Variants in LRBA observed in about 807,000 individuals in gnomAD.
LRBA encodes lipopolysaccharide-responsive and beige-like anchor protein.
Under a neutral mutation model 330.0 loss-of-function variants are expected in LRBA, and 176 were observed. That is an observed-to-expected ratio of 0.53 (90% CI 0.47 to 0.60). LRBA has a LOEUF of 0.60. Ranked by LOEUF, LRBA falls within the 20% of genes least tolerant of loss-of-function variation. The pLI, the probability that LRBA is intolerant of heterozygous loss-of-function variation, is 0.00. For synonymous variants in LRBA, 1,230 were observed against 1,193.0 expected (o/e 1.03, Z -0.64); for missense variants, 3,259 against 3,444.8 (o/e 0.95, Z 1.35).
At chr4:150,595,110 A>G (rs923305897) in intron 38 of LRBA, among the ~76,000 whole-genome samples, 21 of 152,022 alleles carry the variant, frequency 1.4e-4, no homozygotes, top group African/African-American at 4.8e-5. Context: ...AGCACACACC[A>G]TAACAGCATT....
chr4:150,326,651 C>T (rs902410217), intron 48 of LRBA, among the ~76,000 whole-genome samples: 10 of 152,282 alleles, frequency 6.6e-5, no homozygotes, highest in African/African-American at 2.2e-4. Flanking sequence ...CATCTGTAAG[C>T]ATTGTGTTTA....
chr4:150,943,577 CTA>C (rs750067557), intron 2 of LRBA, among the ~76,000 whole-genome samples: 6 of 152,192 alleles, frequency 3.9e-5, no homozygotes, highest in Non-Finnish European at 8.8e-5. Flanking sequence ...ACAGAATTAA[CTA>C]TGTTTTAAGC....
At position 150,616,194 on chromosome 4, in the gene LRBA, C is replaced by T. The variant is rs773323320; in HGVS notation, c.5922-17063G>A. Among the ~76,000 whole-genome samples the T allele has an allele frequency of 3.0e-4, 45 of 151,990 alleles. 1 individual carries two copies. Among genetic ancestry groups the T allele is most frequent in the Admixed American group, 5.2e-4 (8 of 15,252 alleles). On this transcript the variant is annotated intron_variant, in intron 37 of 56. Transcript: ENST00000651943. The stretch of plus-strand genomic sequence containing the variant: ...AAAGAACCTGACAGGATATATAATT[C>T]GAGAGACATTGATGACTAGTGTTTA...
At chr4:150,758,271 G>T (rs1734583101) in intron 35 of LRBA, among the ~76,000 whole-genome samples, 1 of 152,164 alleles carries the variant, frequency 6.6e-6, no homozygotes, top group African/African-American at 2.4e-5. Context: ...ATCCTGCTTT[G>T]TTCTAAATGA....
chr4:150,427,155 A>G (rs983238861), intron 46 of LRBA, among the ~76,000 whole-genome samples: 14 of 152,004 alleles, frequency 9.2e-5, no homozygotes, highest in Admixed American at 2.6e-4. Context: ...TGAACAGTCT[A>G]CATTTTCTAG....
chr4:150,884,079 C>T (rs1728688859), intron 17 of LRBA, among the ~76,000 whole-genome samples: 1 of 152,102 alleles, frequency 6.6e-6, no homozygotes, highest in Admixed American at 6.6e-5. Context: ...TCATTACCAC[C>T]CCAGTTTAGT....
chr4:150,315,474 C>T (rs1731600202), intron 51 of LRBA, 87 bp downstream of exon 51: 1 of 1,105,328 alleles, frequency 9.0e-7, no homozygotes, highest in African/African-American at 1.5e-5. Flanking sequence ...TTCCCAGCAA[C>T]CAGCAAGTGA....
intron 37 of LRBA, among the ~76,000 whole-genome samples, chr4:150,651,316 T>A (rs1779688289): frequency 6.6e-6 from 1 of 152,094 alleles, no homozygotes; most frequent in Admixed American, 6.6e-5. Context: ...ACAACTAAGT[T>A]CTATGTGCAC....
At chr4:150,973,413 C>T (rs1404566690) in intron 2 of LRBA, among the ~76,000 whole-genome samples, 3 of 152,194 alleles carry the variant, frequency 2.0e-5, no homozygotes, top group South Asian at 4.1e-4. Flanking sequence ...GTGATCTGCC[C>T]GCCTCAGCCT....
intron 42 of LRBA, 87 bp downstream of exon 42, chr4:150,487,645 T>A (rs1758038016): frequency 1.6e-6 from 1 of 632,826 alleles, no homozygotes; most frequent in Admixed American, 2.4e-5. Flanking sequence ...TAATACAGAT[T>A]AATGTTAATA....
At position 150,639,838 on chromosome 4, in the gene LRBA, TA is replaced by T. The variant is rs1309208841; in HGVS notation, c.5922-40708del. 6.6e-5 allele frequency among the ~76,000 whole-genome samples: 2 copies of T among 30,144 alleles called. 1 individual carries two copies. The highest frequency in any genetic ancestry group is 1.7e-4 in the African/African-American group (2 of 11,818). 19.8% of individuals were successfully genotyped at this position (30,144 alleles called of 152,430 possible). On this transcript the variant is annotated intron_variant, in intron 37 of 56. Coordinates refer to ENST00000651943, the MANE Select transcript of LRBA (RefSeq NM_001364905.1). Reference sequence around the variant, plus strand: ...GTGTGTGTATATATATATATATATATATATATATATATATATATATATATAT... The same window carrying T: ...GTGTGTGTATATATATATATATATATTATATATATATATATATATATATAT...
chr4:150,889,849 G>A (rs1729294735), intron 17 of LRBA, among the ~76,000 whole-genome samples: 1 of 152,098 alleles, frequency 6.6e-6, no homozygotes, highest in African/African-American at 2.4e-5. Context: ...GAGAGTGGCT[G>A]TGGTTATAGC....
intron 47 of LRBA, among the ~76,000 whole-genome samples, chr4:150,406,759 G>T (rs1307390622): frequency 6.6e-6 from 1 of 152,058 alleles, no homozygotes; most frequent in Non-Finnish European, 1.5e-5. Flanking sequence ...ATGGGAAAAG[G>T]TTCTTTGCAA....
intron 22 of LRBA, among the ~76,000 whole-genome samples, chr4:150,856,463 G>T (rs1377930456): frequency 6.6e-6 from 1 of 152,106 alleles, no homozygotes; most frequent in African/African-American, 2.4e-5. Flanking sequence ...AAGAAAGGAT[G>T]TATATAAATG....
rs1340700449 is a variant in LRBA, at chr4:150,559,649, A to G, written c.6330+28399T>C. ...TTTATAATATATATTTATATAATAT[A>G]ATATATAATTATAATATATATATTA... On this transcript the variant is annotated intron_variant, in intron 40 of 56. Transcript: ENST00000651943. Among the ~76,000 whole-genome samples, 3 of 48,158 alleles carry G rather than the reference A, an allele frequency of 6.2e-5. No individual in the cohort carries two copies. In the East Asian group the frequency reaches 2.1e-3, roughly 34 times the overall value. The allele number at this position is 48,158 out of a possible 152,430, so 31.6% of individuals were successfully genotyped here.
intron 40 of LRBA, among the ~76,000 whole-genome samples, chr4:150,497,005 CTAAT>C (rs201087044): frequency 0.018 from 2,735 of 152,108 alleles, 35 homozygotes; most frequent in South Asian, 0.029. Flanking sequence ...TATGGAAAAA[CTAAT>C]TATTTGAACC....
intron 28 of LRBA, among the ~76,000 whole-genome samples, chr4:150,836,852 G>T (rs912742983): frequency 8.5e-5 from 13 of 152,068 alleles, no homozygotes; most frequent in African/African-American, 2.4e-4. Context: ...GAATCTGTTT[G>T]CTCTTGCTTC....
At chr4:150,666,590 T>C (rs974132865) in intron 37 of LRBA, among the ~76,000 whole-genome samples, 6 of 152,134 alleles carry the variant, frequency 3.9e-5, no homozygotes, top group Admixed American at 2.0e-4. Context: ...GTATTCAGTA[T>C]TATATGTAAT....
At chr4:150,906,124 A>C in intron 12 of LRBA, 134 bp from the exon 13 acceptor site, 1 of 844,128 alleles carries the variant, frequency 1.2e-6, no homozygotes, top group South Asian at 1.7e-5. Flanking sequence ...TCACTATCAC[A>C]TTTGTTTGAT....
Sources: allele counts gnomAD v4.1 joint callset (sites outside exome capture counted in the v4.1 genomes callset), GRCh38; gene constraint gnomAD v4.1.1; transcripts MANE v1.5; gene names NCBI Gene and HGNC (gene_info 2026-07-23, HGNC 2026-07-21).